The following BDH1 variants were observed in gnomAD, a reference collection of about 807,000 sequenced individuals.
BDH1 encodes the protein 3-hydroxybutyrate dehydrogenase 1, also known as D-beta-hydroxybutyrate dehydrogenase, mitochondrial.
A neutral mutation model predicts 33.1 loss-of-function variants in BDH1; 30 were observed. The ratio of observed to expected loss-of-function variants is 0.91; its 90% CI spans 0.68 to 1.23. BDH1 has a LOEUF of 1.23. Among genes scored for constraint, BDH1 ranks in the 50% most tolerant of loss-of-function variants. The pLI, the probability that BDH1 is intolerant of heterozygous loss-of-function variation, is 0.00. For missense variants in BDH1, 443 were observed against 464.4 expected, an observed-to-expected ratio of 0.95 and a Z score of 0.42; for synonymous variants, 190 against 183.6, an observed-to-expected ratio of 1.03 and a Z score of -0.28.
chr3:197,513,147 C>T, intron 7 of BDH1, among the ~76,000 whole-genome samples: 1 of 152,224 alleles, frequency 6.6e-6, no homozygotes. Context: ...TGTGGTGATC[C>T]CCCTCCAAAG....
At chr3:197,570,769 T>A (rs1303640940) in intron 1 of BDH1, among the ~76,000 whole-genome samples, 3 of 152,222 alleles carry the variant, frequency 2.0e-5, no homozygotes, top group Non-Finnish European at 4.4e-5. Context: ...GCTGGGACCC[T>A]CACAGAGAAC....
rs1343420364 is a variant in BDH1, at chr3:197,521,866, C to T, written c.409+774G>A. Among the ~76,000 whole-genome samples, 2 of 152,202 alleles carry T rather than the reference C, an allele frequency of 1.3e-5. No individual in the cohort carries two copies. Among genetic ancestry groups the T allele is most frequent in the Non-Finnish European group, 2.9e-5 (2 of 68,048 alleles). On this transcript the variant is annotated intron_variant, in intron 6 of 7. Coordinates refer to ENST00000392379, the MANE Select transcript of BDH1 (RefSeq NM_203314.3). The surrounding 1 kb of genome is among the most constrained non-coding windows in gnomAD (Gnocchi z 4.9). ...TCCACCTTCACATTGCCACTGCCAT[C>T]CTCAGAGGGAGATTCACAAGTCTCA...
Position 197,511,786 on chromosome 3 carries a change from C to T in BDH1, c.*109G>A, listed in dbSNP as rs1712044844. On this transcript the variant is annotated 3_prime_UTR_variant, in exon 8 of 8. Coordinates refer to ENST00000392379, the MANE Select transcript of BDH1 (RefSeq NM_203314.3). The stretch of plus-strand genomic sequence containing the variant: ...GTGTTAAAACCAGTTATGGGTCTTC[C>T]TGGCATGGTGGATAATCCACACGTG... 8.9e-7 allele frequency: 1 copy of T among 1,119,940 alleles called. No individual in the cohort carries two copies. Among genetic ancestry groups the T allele is most frequent in the African/African-American group, 1.6e-5 (1 of 63,688 alleles). 69.4% of individuals were successfully genotyped at this position (1,119,940 alleles called of 1,614,324 possible).
upstream of BDH1, among the ~76,000 whole-genome samples, chr3:197,559,957 TCTCC>T (rs1380715588): frequency 6.6e-6 from 1 of 152,158 alleles, no homozygotes; most frequent in Admixed American, 6.5e-5. Context: ...CAAGATTCTC[TCTCC>T]CTCCCCCTAC....
At chr3:197,563,068 T>C (rs933778936) in intron 1 of BDH1, among the ~76,000 whole-genome samples, 2 of 152,234 alleles carry the variant, frequency 1.3e-5, no homozygotes, top group African/African-American at 4.8e-5. Flanking sequence ...GCTGGCAAAT[T>C]TGTATTTATC....
intron 1 of BDH1, among the ~76,000 whole-genome samples, chr3:197,572,288 CATTTAG>C (rs1717633803): frequency 6.6e-6 from 1 of 152,114 alleles, no homozygotes; most frequent in Non-Finnish European, 1.5e-5. Flanking sequence ...CACCTTCACC[CATTTAG>C]ATTAAATGAA....
chr3:197,525,660 C>T lies in BDH1; in HGVS notation c.268-2879G>A, dbSNP rs968058903. Among the ~76,000 whole-genome samples the T allele has an allele frequency of 6.6e-6, 1 of 152,246 alleles. No individual in the cohort carries two copies. Among genetic ancestry groups the T allele is most frequent in the Non-Finnish European group, 1.5e-5 (1 of 68,046 alleles). ...GCCTTTGGGCAGCCTCCACACCCTG[C>T]TCCTGACAACCACGCCAATAGGGAC... On this transcript the variant is annotated intron_variant, in intron 5 of 7. Transcript: ENST00000392379. The surrounding 1 kb of genome is among the most constrained non-coding windows in gnomAD (Gnocchi z 4.9).
chr3:197,512,276 A>G lies in BDH1; in HGVS notation c.651T>C (p.Ala217=), dbSNP rs1448271470. ...TCTCATAGCGCAGGCAGTCCGAGAA[A>G]GCCTCTACCCCGAACTTGGTGATGC... ...PYCITKFGVE[A]FSDCLRYEMY... is the part of the protein sequence containing the mutation. Residue 217 remains alanine (A), a synonymous_variant, in exon 8 of 8, where the codon GCT becomes GCC. Coordinates refer to ENST00000392379, the MANE Select transcript of BDH1 (RefSeq NM_203314.3). 1 of 1,612,898 alleles carries G rather than the reference A, an allele frequency of 6.2e-7. No individual in the cohort carries two copies. The highest frequency in any genetic ancestry group is 2.2e-5 in the East Asian group (1 of 44,896).
Position 197,511,963 on chromosome 3 carries a change from A to T in BDH1, c.964T>A (p.Trp322Arg), listed in dbSNP as rs766590693. 2 of 1,605,884 alleles carry T rather than the reference A, an allele frequency of 1.2e-6. No homozygotes were observed. The highest frequency in any genetic ancestry group is 2.7e-5 in the African/African-American group (2 of 74,822). The part of the protein sequence containing the change: ...YTRYHPMDYY[W>R]WLRMQIMTHL... ...GTCATGATCTGCATTCGCAGCCACC[A>T]GTAGTAGTCCATGGGGTGGTAGCGG... The change falls in exon 8 of 8, where the codon TGG becomes AGG. Residue 322 changes from tryptophan to arginine, a missense_variant. By Grantham distance (101) the Trp-to-Arg change is moderately radical. Transcript: ENST00000392379.
At position 197,521,447 on chromosome 3, in the gene BDH1, C is replaced by T. The variant is rs1218629730; in HGVS notation, c.409+1193G>A. 6.6e-6 allele frequency among the ~76,000 whole-genome samples: 1 copy of T among 152,164 alleles called. No homozygotes were observed. The highest frequency in any genetic ancestry group is 1.5e-5 in the Non-Finnish European group (1 of 68,024). ...TACTGGTACTGCCCTCTCCTCCAAA[C>T]TTTCTGTTGTTTAGCCTCTGGGGAA... is the stretch of plus-strand genomic sequence containing the variant. On this transcript the variant is annotated intron_variant, in intron 6 of 7. Transcript: ENST00000392379. The surrounding 1 kb of genome is among the most constrained non-coding windows in gnomAD (Gnocchi z 4.9).
Position 197,522,636 on chromosome 3 carries a change from C to T in BDH1, c.409+4G>A. 1 of 1,614,122 alleles carries T rather than the reference C, an allele frequency of 6.2e-7. No homozygotes were observed. Among genetic ancestry groups the T allele is most frequent in the Non-Finnish European group, 8.5e-7 (1 of 1,180,020 alleles). ...AACCCCTGCCGTCCGAAGGGGCGCCCTACCTTTCTCAGGGTCCTTCAGGCT... is the reference window on the plus strand; with the variant it reads ...AACCCCTGCCGTCCGAAGGGGCGCCTTACCTTTCTCAGGGTCCTTCAGGCT... On this transcript the variant is annotated splice_donor_region_variant and intron_variant, in intron 6 of 7. Coordinates refer to ENST00000392379, the MANE Select transcript of BDH1 (RefSeq NM_203314.3). The surrounding 1 kb of genome is among the most constrained non-coding windows in gnomAD (Gnocchi z 4.8).
chr3:197,543,562 G>A (rs2108755342), intron 3 of BDH1, among the ~76,000 whole-genome samples: 1 of 152,348 alleles, frequency 6.6e-6, no homozygotes, highest in Admixed American at 6.5e-5. Flanking sequence ...GAGCCAGTAA[G>A]CACAGCAGGT....
intron 2 of BDH1, among the ~76,000 whole-genome samples, chr3:197,551,128 G>A (rs1354753679): frequency 6.6e-6 from 1 of 152,000 alleles, no homozygotes; most frequent in African/African-American, 2.4e-5. Context: ...GACTATAGTC[G>A]CTGTGTTATG....
At chr3:197,556,400 G>A (rs948891804), upstream of BDH1, among the ~76,000 whole-genome samples, 1 of 152,222 alleles carries the variant, frequency 6.6e-6, no homozygotes, top group Admixed American at 6.5e-5. Context: ...GGGGGCGGTG[G>A]CTCACGCCTG....
At chr3:197,567,030 G>C (rs553270069) in intron 1 of BDH1, among the ~76,000 whole-genome samples, 6 of 151,920 alleles carry the variant, frequency 3.9e-5, no homozygotes, top group Admixed American at 6.6e-5. Flanking sequence ...CGATTTTCCA[G>C]GATTGTTCTT....
chr3:197,546,299 T>A, intron 3 of BDH1, 62 bp downstream of exon 3: 1 of 1,541,050 alleles, frequency 6.5e-7, no homozygotes, highest in South Asian at 1.1e-5. Context: ...TGTCCATGTG[T>A]GAAAACCTCT....
chr3:197,568,267 T>C (rs894258900), intron 1 of BDH1, among the ~76,000 whole-genome samples: 2 of 151,774 alleles, frequency 1.3e-5, no homozygotes, highest in African/African-American at 2.4e-5. Flanking sequence ...TTTGATGCAA[T>C]TGAATTTTAT....
chr3:197,514,521 C>T lies in BDH1; in HGVS notation c.410-105G>A, dbSNP rs1712478780. 7.5e-7 allele frequency: 1 copy of T among 1,332,454 alleles called. No homozygotes were observed. Among genetic ancestry groups the T allele is most frequent in the African/African-American group, 1.5e-5 (1 of 67,056 alleles). 82.5% of individuals were successfully genotyped at this position (1,332,454 alleles called of 1,614,324 possible). ...CTCTCTGCTTCTTTCCTGTGACTTC[C>T]CAGCCTCTCGCCCAGTGCTCTCAAG... On this transcript the variant is annotated intron_variant, in intron 6 of 7. Transcript: ENST00000392379. The surrounding 1 kb of genome is among the most constrained non-coding windows in gnomAD (Gnocchi z 4.2).
At position 197,528,562 on chromosome 3, in the gene BDH1, C is replaced by T. The variant is rs1560317550; in HGVS notation, c.267+3850G>A. 1 of 152,196 alleles carries T rather than the reference C, an allele frequency of 6.6e-6. No individual in the cohort carries two copies. The highest frequency in any genetic ancestry group is 1.5e-5 in the Non-Finnish European group (1 of 68,076). 9.4% of individuals were successfully genotyped at this position (152,196 alleles called of 1,614,324 possible). On this transcript the variant is annotated intron_variant, in intron 5 of 7. Transcript: ENST00000392379. The surrounding 1 kb of genome is among the most constrained non-coding windows in gnomAD (Gnocchi z 5.1). ...TAGAAGCAAATTCCCCCTTTCAACCCCCACGGTGCCTTATCCAAAGCCTCT... is the reference window on the plus strand; with the variant it reads ...TAGAAGCAAATTCCCCCTTTCAACCTCCACGGTGCCTTATCCAAAGCCTCT...
Sources: gnomAD v4.1 joint callset for allele counts (sites outside exome capture counted in the v4.1 genomes callset) on GRCh38, gnomAD v4.1.1 for gene constraint, Gnocchi (gnomAD v3.1) non-coding constraint, MANE v1.5 for transcripts, NCBI Gene and HGNC (gene_info 2026-07-23, HGNC 2026-07-21) for gene names.